Variants in OVOL2 observed in about 807,000 individuals in gnomAD.
The protein encoded by OVOL2 is transcription factor Ovo-like 2.
A neutral mutation model predicts 18.1 loss-of-function variants in OVOL2; 13 were observed. The ratio of observed to expected loss-of-function variants is 0.72; its 90% confidence interval spans 0.47 to 1.14. The LOEUF is 1.14. OVOL2 is among the 50% of genes most tolerant of loss of function. The pLI is 0.00. For missense variants in OVOL2, 335 were observed against 383.0 expected (o/e 0.87, Z 1.05); for synonymous variants, 166 against 162.7 (o/e 1.02, Z -0.16).
At position 18,045,259 on chromosome 20, in the gene OVOL2, T is replaced by C. The variant is rs140188545; in HGVS notation, c.322-3536A>G. Among the ~76,000 whole-genome samples the C allele has an allele frequency of 8.9e-3, 1,357 of 152,296 alleles. 9 individuals carry two copies. Among genetic ancestry groups the C allele is most frequent in the Non-Finnish European group, 0.012 (801 of 68,020 alleles). On this transcript the variant is annotated intron_variant, in intron 2 of 3. Transcript: ENST00000278780. The stretch of plus-strand genomic sequence containing the variant: ...ACTTTGAGCTTCTAAAGACCAAGTG[T>C]GCACAAGCACATTTGAGTGGTAGTG...
chr20:18,024,555 G>A lies in OVOL2; in HGVS notation c.*81C>T. On this transcript the variant is annotated 3_prime_UTR_variant, in exon 4 of 4. Transcript: ENST00000278780. Reference sequence around the variant, plus strand: ...GGTCACTTCTAATTAAGAAGAGCCAGTGGGGTGGGGGAAGCTGAAAACCAA... The same window carrying A: ...GGTCACTTCTAATTAAGAAGAGCCAATGGGGTGGGGGAAGCTGAAAACCAA... The A allele has an allele frequency of 2.0e-6, 3 of 1,470,434 alleles. No individual in the cohort carries two copies. The highest frequency in any genetic ancestry group is 2.7e-6 in the Non-Finnish European group (3 of 1,107,596). 91.1% of individuals were successfully genotyped at this position (1,470,434 alleles called of 1,614,324 possible).
chr20:18,034,233 C>T (rs2036594795), intron 3 of OVOL2, among the ~76,000 whole-genome samples: 1 of 152,146 alleles, frequency 6.6e-6, no homozygotes, highest in Non-Finnish European at 1.5e-5. Flanking sequence ...TCCAGATGCT[C>T]AGGAGTGTCT....
At chr20:18,058,470 T>C (rs956963414), upstream of OVOL2, among the ~76,000 whole-genome samples, 4 of 147,274 alleles carry the variant, frequency 2.7e-5, no homozygotes, top group African/African-American at 7.5e-5. Context: ...GTTATTTTTC[T>C]GACTAGTATC....
intron 3 of OVOL2, among the ~76,000 whole-genome samples, chr20:18,030,034 A>G (rs1284676199): frequency 6.6e-6 from 1 of 152,214 alleles, no homozygotes; most frequent in African/African-American, 2.4e-5. Context: ...GAAAGTTTTA[A>G]GGCAATATTT....
intron 3 of OVOL2, among the ~76,000 whole-genome samples, chr20:18,031,543 C>G (rs957737325): frequency 2.0e-5 from 3 of 152,106 alleles, no homozygotes; most frequent in Non-Finnish European, 4.4e-5. Context: ...CGCCACTGCA[C>G]TCCAACCTGG....
At chr20:18,043,603 C>T (rs1470970845) in intron 2 of OVOL2, among the ~76,000 whole-genome samples, 2 of 152,174 alleles carry the variant, frequency 1.3e-5, no homozygotes, top group East Asian at 3.8e-4. Flanking sequence ...AGTAGAACTG[C>T]CTAGCAGAGC....
intron 3 of OVOL2, among the ~76,000 whole-genome samples, chr20:18,037,373 C>T (rs1387808632): frequency 6.6e-6 from 1 of 152,244 alleles, no homozygotes; most frequent in African/African-American, 2.4e-5. Flanking sequence ...AGAACAACAG[C>T]ACTGACTGCT....
At chr20:18,046,269 A>G (rs1374027345) in intron 2 of OVOL2, among the ~76,000 whole-genome samples, 1 of 152,232 alleles carries the variant, frequency 6.6e-6, no homozygotes, top group Non-Finnish European at 1.5e-5. Context: ...TTTGGTTTGT[A>G]ATAGCAAAGG....
Position 18,041,516 on chromosome 20 carries a change from C to T in OVOL2, c.511+18G>A. ...CAGAATAACAAAACAGAGAACAAAGCACGCACTCCCCGCTCACCTGTGTGT... is the reference window on the plus strand; with the variant it reads ...CAGAATAACAAAACAGAGAACAAAGTACGCACTCCCCGCTCACCTGTGTGT... On this transcript the variant is annotated intron_variant, in intron 3 of 3. Transcript: ENST00000278780. The T allele has an allele frequency of 6.3e-7, 1 of 1,598,576 alleles. No homozygotes were observed. Among genetic ancestry groups the T allele is most frequent in the African/African-American group, 1.3e-5 (1 of 74,756 alleles).
At chr20:18,041,457 G>GT in intron 3 of OVOL2, 77 bp downstream of exon 3, 1 of 1,518,420 alleles carries the variant, frequency 6.6e-7, no homozygotes, top group East Asian at 2.3e-5. Flanking sequence ...TCTCAACCTG[G>GT]TTTTTTGGTG....
intron 2 of OVOL2, among the ~76,000 whole-genome samples, chr20:18,054,483 C>T (rs1038561384): frequency 3.9e-5 from 6 of 152,206 alleles, no homozygotes; most frequent in Non-Finnish European, 5.9e-5. Context: ...TGGCTCACGC[C>T]TGTAATCCCA....
rs774831492 is a variant in OVOL2 at position 18,041,709 on chromosome 20, C to T, written c.336G>A (p.Thr112=). The change falls in exon 3 of 4, where the codon ACG becomes ACA. Residue 112 remains threonine (T), a synonymous_variant. Coordinates refer to ENST00000278780, the MANE Select transcript of OVOL2 (RefSeq NM_021220.4). Reference sequence around the variant, plus strand: ...AGCTGTGAACCACCGAGTCGCTGCACGTGCCTGTGGTGAACTGGGGGCAGA... The same window carrying T: ...AGCTGTGAACCACCGAGTCGCTGCATGTGCCTGTGGTGAACTGGGGGCAGA... ...ARSKIKFTTG[T]CSDSVVHSCD... is the part of the protein sequence containing the mutation. 1.9e-5 allele frequency: 31 copies of T among 1,612,692 alleles called. No individual in the cohort carries two copies. Among genetic ancestry groups the T allele is most frequent in the Middle Eastern group, 1.7e-4 (1 of 5,764 alleles).
chr20:18,026,249 T>C (rs916273193), intron 3 of OVOL2, among the ~76,000 whole-genome samples: 1 of 152,216 alleles, frequency 6.6e-6, no homozygotes, highest in Admixed American at 6.5e-5. Context: ...CAACAGACTA[T>C]TTAGATGAGC....
chr20:18,050,589 T>TA (rs1389860960), intron 2 of OVOL2: 2 of 152,240 alleles, frequency 1.3e-5, no homozygotes, highest in African/African-American at 4.8e-5. Flanking sequence ...ACCAGGCAAT[T>TA]AATACACATT....
At chr20:18,053,105 C>A (rs1014430849) in intron 2 of OVOL2, among the ~76,000 whole-genome samples, 2 of 152,216 alleles carry the variant, frequency 1.3e-5, no homozygotes, top group Admixed American at 1.3e-4. Flanking sequence ...GAAGGGCCAG[C>A]CACATTTCCT....
chr20:18,032,372 G>A (rs2036579238), intron 3 of OVOL2, among the ~76,000 whole-genome samples: 1 of 146,952 alleles, frequency 6.8e-6, no homozygotes, highest in South Asian at 2.1e-4. Context: ...AAAGAAGGAA[G>A]GGAAGGAGGA....
chr20:18,057,760 C>A lies in OVOL2; in HGVS notation c.-126G>T. 4.2e-6 allele frequency: 6 copies of A among 1,415,310 alleles called. No individual in the cohort carries two copies. The highest frequency in any genetic ancestry group is 5.5e-6 in the Non-Finnish European group (6 of 1,092,378). The allele number at this position is 1,415,310 out of a possible 1,614,324, so 87.7% of individuals were successfully genotyped here. ...ACCTTCCCGCCTCGCCTGCCCTCTT[C>A]CTCCACCCCCCGCCGCGGCGCGGCC... is the stretch of plus-strand genomic sequence containing the variant. On this transcript the variant is annotated 5_prime_UTR_variant, in exon 1 of 4. Transcript: ENST00000278780. This position sits in a 1 kb window ranked among gnomAD's most constrained non-coding sequence, Gnocchi z 6.3.
intron 3 of OVOL2, among the ~76,000 whole-genome samples, chr20:18,033,258 G>A (rs1458150600): frequency 6.6e-6 from 1 of 152,176 alleles, no homozygotes; most frequent in African/African-American, 2.4e-5. Context: ...GACAGAAGGC[G>A]CCCTAGAGGG....
chr20:18,051,418 T>C (rs919332410), intron 2 of OVOL2, among the ~76,000 whole-genome samples: 14 of 152,074 alleles, frequency 9.2e-5, no homozygotes, highest in Admixed American at 7.9e-4. Flanking sequence ...CATCAGTTAA[T>C]AAACAGAGGA....
Sources: gnomAD v4.1 joint callset for allele counts (sites outside exome capture counted in the v4.1 genomes callset) on GRCh38, gnomAD v4.1.1 for gene constraint, Gnocchi (gnomAD v3.1) non-coding constraint, MANE v1.5 for transcripts, NCBI Gene and HGNC (gene_info 2026-07-23, HGNC 2026-07-21) for gene names.